USP31: variants seen among roughly 807,000 people sequenced by gnomAD.
USP31 encodes the protein ubiquitin specific peptidase 31, also known as ubiquitin carboxyl-terminal hydrolase 31.
USP31 carries 44 observed loss-of-function variants against 119.4 expected under a neutral mutation model. That is an observed-to-expected ratio of 0.37 (90% CI 0.29 to 0.47). USP31 has a LOEUF of 0.47. Ranked by LOEUF, USP31 falls within the 20% of genes least tolerant of loss-of-function variation. USP31 has a pLI of 0.99. For missense variants in USP31, 1,643 were observed against 1,730.2 expected, an observed-to-expected ratio of 0.95 and a Z score of 0.89; for synonymous variants, 749 against 705.6, an observed-to-expected ratio of 1.06 and a Z score of -0.97.
intron 11 of USP31, among the ~76,000 whole-genome samples, chr16:23,082,831 C>CTCTTTTTTTTTTTT (rs749099969): frequency 3.9e-5 from 5 of 129,326 alleles, no homozygotes; most frequent in African/African-American, 1.1e-4. Context: ...CTTTCTCTCT[C>CTCTTTTTTTTTTTT]TTTTTTTTTT....
At chr16:23,127,910 A>C (rs1902915440) in intron 1 of USP31, among the ~76,000 whole-genome samples, 1 of 152,220 alleles carries the variant, frequency 6.6e-6, no homozygotes, top group Non-Finnish European at 1.5e-5. Flanking sequence ...AAAAACTACC[A>C]AATAAGTCTT....
intron 5 of USP31, 41 bp from the exon 6 acceptor site, chr16:23,102,504 T>G: frequency 2.5e-6 from 4 of 1,582,978 alleles, no homozygotes; most frequent in Non-Finnish European, 3.4e-6. Flanking sequence ...TAACTGGAAA[T>G]TCGATACTAA....
rs1311149426 is a variant in USP31, at chr16:23,064,818, G to A, written c.*3228C>T. ...TGCTCAAAGAAGGCCCTCCATAAACGTTTGCAGAATGAATGATGAAAACAA... is the reference window on the plus strand; with the variant it reads ...TGCTCAAAGAAGGCCCTCCATAAACATTTGCAGAATGAATGATGAAAACAA... On this transcript the variant is annotated 3_prime_UTR_variant, in exon 16 of 16. Transcript: ENST00000219689. 1 of 146,906 alleles carries A rather than the reference G, an allele frequency of 6.8e-6. No individual in the cohort carries two copies. The highest frequency in any genetic ancestry group is 2.5e-5 in the African/African-American group (1 of 40,734). The allele number at this position is 146,906 out of a possible 1,614,324, so 9.1% of individuals were successfully genotyped here.
At chr16:23,070,689 G>A (rs1397948353) in intron 15 of USP31, among the ~76,000 whole-genome samples, 1 of 150,554 alleles carries the variant, frequency 6.6e-6, no homozygotes, top group African/African-American at 2.4e-5. Flanking sequence ...ACTCCAGCCG[G>A]GAGACAGAGA....
chr16:23,087,594 T>C, intron 8 of USP31, 130 bp downstream of exon 8: 3 of 827,206 alleles, frequency 3.6e-6, no homozygotes, highest in South Asian at 3.7e-5. Flanking sequence ...TGGCTAGCTC[T>C]TTCATAAAAT....
Position 23,099,324 on chromosome 16 carries a change from T to C in USP31, c.1234+2995A>G, listed in dbSNP as rs1026972407. On this transcript the variant is annotated intron_variant, in intron 6 of 15. Transcript: ENST00000219689. The stretch of plus-strand genomic sequence containing the variant: ...CATTAAAAAGTCAGGAAACAACAGA[T>C]GCTGGAGAGGATGTGGAGAAATAGG... Among the ~76,000 whole-genome samples the C allele has an allele frequency of 6.6e-5, 10 of 152,252 alleles. 1 individual carries two copies. The highest frequency in any genetic ancestry group is 2.4e-4 in the African/African-American group (10 of 41,542).
rs1053825934 is a variant in USP31, at chr16:23,069,467, G to A, written c.2638C>T (p.Pro880Ser). Residue 880 changes from proline (P) to serine (S), a missense_variant, in exon 16 of 16, where the codon CCA becomes TCA. Pro to Ser is a moderately conservative substitution (Grantham distance 74). This residue lies in a region of USP31 where 699 missense variants were observed against 650.9 expected (regional missense o/e 1.07). Coordinates refer to ENST00000219689, the MANE Select transcript of USP31 (RefSeq NM_020718.4). Reference sequence around the variant, plus strand: ...GGCGAATCCCCTGAAAATCGGGATGGAGAATTGGAGCGCATCTGCAGCTTA... The same window carrying A: ...GGCGAATCCCCTGAAAATCGGGATGAAGAATTGGAGCGCATCTGCAGCTTA... Reference protein sequence around the residue: ...SAKLQMRSNSPSRFSGDSPIH... With the variant: ...SAKLQMRSNSSSRFSGDSPIH... 9 of 1,614,098 alleles carry A rather than the reference G, an allele frequency of 5.6e-6. No individual in the cohort carries two copies. In the Admixed American group the frequency reaches 8.3e-5, roughly 15 times the overall value.
At position 23,114,850 on chromosome 16, in the gene USP31, A is replaced by T. The variant is rs146877562; in HGVS notation, c.634-6667T>A. ...AAAAGAAAATCTTAATAACACAAAC[A>T]CAAAAGGTCCTCTTTCTGCCTCTTT... On this transcript the variant is annotated intron_variant, in intron 1 of 15. Coordinates refer to ENST00000219689, the MANE Select transcript of USP31 (RefSeq NM_020718.4). Among the ~76,000 whole-genome samples the T allele has an allele frequency of 4.4e-4, 67 of 152,334 alleles. No individual in the cohort carries two copies. In the East Asian group the frequency reaches 0.01, roughly 23 times the overall value.
rs577246308 is a variant in USP31 at position 23,098,313 on chromosome 16, G to A, written c.1234+4006C>T. Among the ~76,000 whole-genome samples the A allele has an allele frequency of 8.3e-4, 126 of 152,278 alleles. 1 individual carries two copies. In the East Asian group the frequency reaches 0.022, roughly 26 times the overall value. On this transcript the variant is annotated intron_variant, in intron 6 of 15. Coordinates refer to ENST00000219689, the MANE Select transcript of USP31 (RefSeq NM_020718.4). ...GGAGAACTACAAACCACTGCTCAAT[G>A]AAATAAAAGAGGACACAAACAAATG...
chr16:23,116,896 A>G (rs914538365), intron 1 of USP31, among the ~76,000 whole-genome samples: 3 of 152,232 alleles, frequency 2.0e-5, no homozygotes, highest in African/African-American at 7.2e-5. Context: ...GACTCTGTTC[A>G]CATTTGGCCA....
rs761879849 is a variant in USP31 at position 23,090,713 on chromosome 16, C to T, written c.1326G>A (p.Gly442=). ...CTCTTGATGTGGGAGAATCCATTTT[C>T]CCCTGCTTTGCTGCTGTTTGTGTAG... ...SSPTQTAAKQ[G]KMDSPTSRAG... Residue 442 remains glycine, a synonymous_variant, in exon 7 of 16, where the codon GGG becomes GGA. Coordinates refer to ENST00000219689, the MANE Select transcript of USP31 (RefSeq NM_020718.4). The T allele has an allele frequency of 1.2e-6, 2 of 1,614,078 alleles. No individual in the cohort carries two copies. The highest frequency in any genetic ancestry group is 1.7e-6 in the Non-Finnish European group (2 of 1,179,984).
intron 6 of USP31, among the ~76,000 whole-genome samples, chr16:23,099,024 A>T (rs991339811): frequency 6.6e-6 from 1 of 152,222 alleles, no homozygotes; most frequent in Admixed American, 6.5e-5. Flanking sequence ...CTACCATCAG[A>T]GTGAACAGGC....
intron 1 of USP31, among the ~76,000 whole-genome samples, chr16:23,131,306 G>A (rs941568858): frequency 2.6e-5 from 4 of 152,124 alleles, no homozygotes; most frequent in African/African-American, 9.7e-5. Context: ...TCTAAAAATA[G>A]TAACAAATTA....
Position 23,073,712 on chromosome 16 carries a change from T to C in USP31, c.2335+10A>G. On this transcript the variant is annotated intron_variant, in intron 14 of 15. Coordinates refer to ENST00000219689, the MANE Select transcript of USP31 (RefSeq NM_020718.4). ...GGAAAAAACTGCCCAAGAACAAGAG[T>C]GGACCTCACCTGCCACCGAGCTGTT... 1 of 1,609,918 alleles carries C rather than the reference T, an allele frequency of 6.2e-7. No individual in the cohort carries two copies. The highest frequency in any genetic ancestry group is 8.5e-7 in the Non-Finnish European group (1 of 1,178,112).
At chr16:23,124,292 A>G (rs1902775399) in intron 1 of USP31, among the ~76,000 whole-genome samples, 1 of 152,164 alleles carries the variant, frequency 6.6e-6, no homozygotes. Context: ...TCACCCTGGC[A>G]AAGAGTACAA....
chr16:23,148,791 C>T lies in USP31; in HGVS notation c.480G>A (p.Gln160=). The T allele has an allele frequency of 6.5e-7, 1 of 1,539,128 alleles. No individual in the cohort carries two copies. Among genetic ancestry groups the T allele is most frequent in the Non-Finnish European group, 8.7e-7 (1 of 1,148,078 alleles). The change falls in exon 1 of 16, where the codon CAG becomes CAA. Residue 160 remains glutamine, a synonymous_variant. Transcript: ENST00000219689. ...AGGGCTCGGGCCGCCCCGCCCGGTA[C>T]TGGCCCAGCGCCAGGTACTCGGCGA... is the stretch of plus-strand genomic sequence containing the variant. The part of the protein sequence containing the change: ...ELFAEYLALG[Q]YRAGRPEPSP...
At chr16:23,124,360 G>A (rs754287671) in intron 1 of USP31, among the ~76,000 whole-genome samples, 14 of 152,178 alleles carry the variant, frequency 9.2e-5, no homozygotes, top group African/African-American at 1.4e-4. Context: ...AGGATCTGAT[G>A]TTCAAATAAG....
chr16:23,107,903 G>A (rs768309122), intron 2 of USP31, 143 bp downstream of exon 2: 1 of 982,738 alleles, frequency 1.0e-6, no homozygotes. Flanking sequence ...AAAATGAAAT[G>A]TCCTTTAAGT....
chr16:23,069,106 C>T lies in USP31; in HGVS notation c.2999G>A (p.Ser1000Asn). The change falls in exon 16 of 16, where the codon AGC becomes AAC. Residue 1000 changes from serine to asparagine, a missense_variant. Coordinates refer to ENST00000219689, the MANE Select transcript of USP31 (RefSeq NM_020718.4). The part of the protein sequence containing the change: ...AYVDQSDSVD[S>N]SPVKEVKAPS... ...GGCTTTCACCTCTTTGACTGGAGAGCTGTCTACGGAGTCGCTCTGATCCAC... is the reference window on the plus strand; with the variant it reads ...GGCTTTCACCTCTTTGACTGGAGAGTTGTCTACGGAGTCGCTCTGATCCAC... 6.2e-7 allele frequency: 1 copy of T among 1,612,888 alleles called. No homozygotes were observed.
Sources: gnomAD v4.1 joint callset for allele counts (sites outside exome capture counted in the v4.1 genomes callset) on GRCh38, gnomAD v4.1.1 for gene constraint, gnomAD v4.1.1 regional missense constraint, MANE v1.5 for transcripts, NCBI Gene and HGNC (gene_info 2026-07-23, HGNC 2026-07-21) for gene names.